The following ERC1 variants were observed in gnomAD, a reference collection of about 807,000 sequenced individuals.
The protein encoded by ERC1 is RAB6 interacting protein 2.
Under a neutral mutation model 132.0 loss-of-function variants are expected in ERC1, and 56 were observed. That is an observed-to-expected ratio of 0.42 (90% CI 0.34 to 0.53). ERC1 has a LOEUF of 0.53. ERC1 is among the 20% of genes least tolerant of loss of function. The pLI is 0.03. For synonymous variants in ERC1, 478 were observed against 476.1 expected, an observed-to-expected ratio of 1.00 and a Z score of -0.05; for missense variants, 1,202 against 1,349.9, an observed-to-expected ratio of 0.89 and a Z score of 1.72.
chr12:1,327,770 T>C (rs998965935), intron 15 of ERC1, among the ~76,000 whole-genome samples: 2 of 152,144 alleles, frequency 1.3e-5, no homozygotes, highest in Non-Finnish European at 2.9e-5. Flanking sequence ...TGGGCCCCTA[T>C]CAACTGCCAA....
intron 18 of ERC1, among the ~76,000 whole-genome samples, chr12:1,446,562 G>A (rs965121471): frequency 2.0e-5 from 3 of 152,068 alleles, no homozygotes; most frequent in Non-Finnish European, 4.4e-5. Context: ...CTTAAATATT[G>A]TTTGTTTACT....
At chr12:1,483,385 A>G (rs972234828) in intron 18 of ERC1, among the ~76,000 whole-genome samples, 3 of 152,204 alleles carry the variant, frequency 2.0e-5, no homozygotes, top group African/African-American at 7.2e-5. Flanking sequence ...TATACTTTAC[A>G]TAGTGTAGCT....
chr12:1,111,401 C>T (rs186468617), intron 5 of ERC1, among the ~76,000 whole-genome samples: 2 of 152,182 alleles, frequency 1.3e-5, no homozygotes, highest in East Asian at 3.9e-4. Context: ...TTGTATTCTC[C>T]AGGTTCTTAG....
At chr12:1,471,930 A>G (rs535597721) in intron 18 of ERC1, among the ~76,000 whole-genome samples, 123 of 152,352 alleles carry the variant, frequency 8.1e-4, no homozygotes, top group Non-Finnish European at 1.4e-3. Flanking sequence ...TTCCTACAAC[A>G]GATAGATCTA....
chr12:1,056,981 T>C (rs1973088597), intron 2 of ERC1, among the ~76,000 whole-genome samples: 1 of 152,206 alleles, frequency 6.6e-6, no homozygotes, highest in African/African-American at 2.4e-5. Flanking sequence ...CTAGAATTTG[T>C]TGCCAGGAAA....
At chr12:1,004,401 C>CTTTTTTTTTTTTTTTTTTTT (rs71055118) in intron 1 of ERC1, among the ~76,000 whole-genome samples, 1 of 95,024 alleles carries the variant, frequency 1.1e-5, no homozygotes, top group African/African-American at 4.1e-5. Flanking sequence ...TTTTCTTTCT[C>CTTTTTTTTTTTTTTTTTTTT]TTTTTTTTTT....
At chr12:998,678 A>G (rs889181443) in intron 1 of ERC1, among the ~76,000 whole-genome samples, 1 of 152,060 alleles carries the variant, frequency 6.6e-6, no homozygotes, top group Non-Finnish European at 1.5e-5. Context: ...AGGATTTCAC[A>G]ATTGCATGAA....
intron 18 of ERC1, among the ~76,000 whole-genome samples, chr12:1,447,841 G>T (rs2093341792): frequency 6.6e-6 from 1 of 152,012 alleles, no homozygotes; most frequent in South Asian, 2.1e-4. Flanking sequence ...GTAGAGATGG[G>T]GTTTCACCAT....
At position 1,492,864 on chromosome 12, in the gene ERC1, G is replaced by A. The variant is rs2094329290; in HGVS notation, c.*2634G>A. On this transcript the variant is annotated 3_prime_UTR_variant, in exon 19 of 19. Transcript: ENST00000360905. ...AAATGTCCCACTCCCATCACACTAGGACTTGTCATTCCATGCCCCTCTCCT... is the reference window on the plus strand; with the variant it reads ...AAATGTCCCACTCCCATCACACTAGAACTTGTCATTCCATGCCCCTCTCCT... The A allele has an allele frequency of 4.3e-6, 1 of 230,208 alleles. No homozygotes were observed. The highest frequency in any genetic ancestry group is 1.8e-4 in the South Asian group (1 of 5,486). 14.3% of individuals were successfully genotyped at this position (230,208 alleles called of 1,614,324 possible).
At chr12:1,406,834 C>T (rs1459545083) in intron 16 of ERC1, among the ~76,000 whole-genome samples, 1 of 152,180 alleles carries the variant, frequency 6.6e-6, no homozygotes, top group Admixed American at 6.5e-5. Flanking sequence ...GATGATGCCA[C>T]TGTACTGTAC....
intron 13 of ERC1, among the ~76,000 whole-genome samples, chr12:1,248,167 T>TACTCATTTTTAA (rs930270486): frequency 5.9e-5 from 9 of 152,204 alleles, no homozygotes; most frequent in African/African-American, 2.2e-4. Context: ...GGTTTAATTT[T>TACTCATTTTTAA]ACTCATTTTT....
At chr12:1,320,376 A>G (rs2082031737) in intron 15 of ERC1, among the ~76,000 whole-genome samples, 2 of 152,164 alleles carry the variant, frequency 1.3e-5, no homozygotes, top group Admixed American at 1.3e-4. Context: ...AGTGGATACT[A>G]TCCATCTTTT....
At chr12:1,212,062 T>C (rs926575780) in intron 12 of ERC1, among the ~76,000 whole-genome samples, 59 of 152,294 alleles carry the variant, frequency 3.9e-4, no homozygotes, top group Admixed American at 2.7e-3. Flanking sequence ...TCCTGTCCAC[T>C]CTCATTATGT....
chr12:1,027,990 C>G lies in ERC1; in HGVS notation c.87C>G (p.Arg29=). 6.2e-7 allele frequency: 1 copy of G among 1,614,168 alleles called. No individual in the cohort carries two copies. Among genetic ancestry groups the G allele is most frequent in the Non-Finnish European group, 8.5e-7 (1 of 1,180,040 alleles). The change falls in exon 2 of 19, where the codon CGC becomes CGG. Residue 29 remains arginine (R), a synonymous_variant. Coordinates refer to ENST00000360905, the MANE Select transcript of ERC1 (RefSeq NM_178040.4). ...GRSPRLPRSP[R]LGHRRTNSTG... ...CACCCAGGCTTCCACGTTCCCCTCG[C>G]TTGGGTCACCGTCGAACCAACAGTA...
At chr12:1,230,277 G>A (rs1343063200) in intron 12 of ERC1, among the ~76,000 whole-genome samples, 3 of 152,114 alleles carry the variant, frequency 2.0e-5, no homozygotes, top group East Asian at 1.9e-4. Context: ...GGGATTAAAG[G>A]CGTGAGCCAC....
At chr12:1,438,820 A>G (rs1472906015) in intron 17 of ERC1, among the ~76,000 whole-genome samples, 2 of 151,976 alleles carry the variant, frequency 1.3e-5, no homozygotes, top group African/African-American at 4.8e-5. Flanking sequence ...GTGCATGCCT[A>G]TAGTCCCAGC....
rs567242176 is a variant in ERC1 at position 1,220,099 on chromosome 12, T to C, written c.2352-16670T>C. Among the ~76,000 whole-genome samples, 20 of 152,290 alleles carry C rather than the reference T, an allele frequency of 1.3e-4. 1 individual carries two copies. In the South Asian group the frequency reaches 4.1e-3, roughly 32 times the overall value. On this transcript the variant is annotated intron_variant, in intron 12 of 18. Coordinates refer to ENST00000360905, the MANE Select transcript of ERC1 (RefSeq NM_178040.4). ...AAGCATTTTCTATCCTCAAAGCCTT[T>C]GTAGTTATGATTCTCTGTGCCTCTT...
chr12:1,040,306 T>C (rs1475305884), intron 2 of ERC1, among the ~76,000 whole-genome samples: 3 of 151,688 alleles, frequency 2.0e-5, no homozygotes, highest in Non-Finnish European at 2.9e-5. Context: ...CATTTTTCTT[T>C]TTCTTTTTTT....
chr12:1,195,080 T>C lies in ERC1; in HGVS notation c.2351+5028T>C, dbSNP rs181294589. 2.7e-4 allele frequency among the ~76,000 whole-genome samples: 41 copies of C among 151,142 alleles called. No individual in the cohort carries two copies. In the East Asian group the frequency reaches 5.4e-3, roughly 20 times the overall value. ...TTTGAAGGAGGGGCTCTATAAGAAGTCCGCAGAAGCCCCTAAAAAAACCAC... is the reference window on the plus strand; with the variant it reads ...TTTGAAGGAGGGGCTCTATAAGAAGCCCGCAGAAGCCCCTAAAAAAACCAC... On this transcript the variant is annotated intron_variant, in intron 12 of 18. Transcript: ENST00000360905.
Sources: gnomAD v4.1 joint callset for allele counts (sites outside exome capture counted in the v4.1 genomes callset) on GRCh38, gnomAD v4.1.1 for gene constraint, MANE v1.5 for transcripts, NCBI Gene and HGNC (gene_info 2026-07-23, HGNC 2026-07-21) for gene names.